CFAP52: variants seen among roughly 807,000 people sequenced by gnomAD.
The protein encoded by CFAP52 is cilia and flagella associated protein 52.
CFAP52 carries 57 observed loss-of-function variants against 70.5 expected under a neutral mutation model. The ratio of observed to expected loss-of-function variants is 0.81; its 90% CI spans 0.65 to 1.01. CFAP52 has a LOEUF of 1.01. Ranked by LOEUF, CFAP52 falls within the 50% of genes least tolerant of loss-of-function variation. The probability of loss-of-function intolerance (pLI) is 0.00; values close to 1 mark genes in which losing one functional copy is unlikely to be tolerated. For synonymous variants in CFAP52, 267 were observed against 292.5 expected (o/e 0.91, Z 0.89); for missense variants, 785 against 788.5 (o/e 1.00, Z 0.05).
intron 1 of CFAP52, among the ~76,000 whole-genome samples, chr17:9,579,207 C>G (rs181233418): frequency 6.6e-6 from 1 of 151,912 alleles, no homozygotes; most frequent in South Asian, 2.1e-4. Context: ...TATACTAGCT[C>G]TAAAAAAAAG....
chr17:9,632,843 T>G, intron 9 of CFAP52, 45 bp from the exon 10 acceptor site: 1 of 1,603,190 alleles, frequency 6.2e-7, no homozygotes, highest in East Asian at 2.2e-5. Context: ...GGAGAGAGGG[T>G]GCATATACTG....
At chr17:9,585,410 T>A (rs1908411149) in intron 1 of CFAP52, among the ~76,000 whole-genome samples, 2 of 152,206 alleles carry the variant, frequency 1.3e-5, no homozygotes, top group Admixed American at 1.3e-4. Context: ...GGCTCACACC[T>A]GTAATCCCAG....
intron 11 of CFAP52, among the ~76,000 whole-genome samples, chr17:9,637,750 T>C (rs2151952969): frequency 6.6e-6 from 1 of 152,344 alleles, no homozygotes; most frequent in South Asian, 2.1e-4. Context: ...AATTTCTGTA[T>C]TTTTAGTAGA....
chr17:9,597,283 T>C (rs1909058817), intron 4 of CFAP52, among the ~76,000 whole-genome samples: 1 of 152,168 alleles, frequency 6.6e-6, no homozygotes, highest in Middle Eastern at 3.2e-3. Flanking sequence ...AGTCCATCCA[T>C]CTTTTGATGC....
intron 8 of CFAP52, among the ~76,000 whole-genome samples, chr17:9,622,693 A>G (rs1221099512): frequency 6.6e-6 from 1 of 152,210 alleles, no homozygotes; most frequent in Non-Finnish European, 1.5e-5. Flanking sequence ...AAAGAATTTT[A>G]ATGGAGTTTG....
chr17:9,609,121 ATGT>A (rs1012096796), intron 7 of CFAP52, among the ~76,000 whole-genome samples: 7 of 152,160 alleles, frequency 4.6e-5, no homozygotes, highest in African/African-American at 1.7e-4. Context: ...AGTTGCACAC[ATGT>A]TGTAGAAATG....
In CFAP52 at chr17:9,587,591, T is replaced by C. The variant is rs767325986; in HGVS notation, c.407+757T>C. Reference sequence around the variant, plus strand: ...CTGATATGAGGTGGTTATCTCATTGTGGTTTTACTTTGCATTTCTCTAATG... The same window carrying C: ...CTGATATGAGGTGGTTATCTCATTGCGGTTTTACTTTGCATTTCTCTAATG... On this transcript the variant is annotated intron_variant, in intron 3 of 13. Transcript: ENST00000352665. Among the ~76,000 whole-genome samples the C allele has an allele frequency of 3.0e-4, 46 of 152,232 alleles. 1 individual carries two copies. The highest frequency in any genetic ancestry group is 1.5e-4 in the Non-Finnish European group (10 of 68,046).
rs201777194 is a variant in CFAP52 at position 9,585,900 on chromosome 17, C to T, written c.198C>T (p.Asn66=). 8 of 1,613,822 alleles carry T rather than the reference C, an allele frequency of 5.0e-6. No homozygotes were observed. The highest frequency in any genetic ancestry group is 1.7e-5 in the Admixed American group (1 of 59,964). ...ACTTCCTACAGGGTCATGGCAACAA[C>T]GTCTCCTGCTTGGCCATCTCCAGGT... is the stretch of plus-strand genomic sequence containing the variant. ...EQNFLQGHGN[N]VSCLAISRSG... is the part of the protein sequence containing the mutation. The change falls in exon 2 of 14, where the codon AAC becomes AAT. Residue 66 remains asparagine (N), a synonymous_variant. Transcript: ENST00000352665.
At chr17:9,621,885 G>A (rs1351333781) in intron 8 of CFAP52, among the ~76,000 whole-genome samples, 3 of 146,888 alleles carry the variant, frequency 2.0e-5, no homozygotes, top group East Asian at 2.0e-4. Context: ...GGATAGCATT[G>A]GGAGATATAC....
intron 9 of CFAP52, among the ~76,000 whole-genome samples, chr17:9,630,381 G>C (rs1386168912): frequency 1.3e-5 from 2 of 149,152 alleles, no homozygotes; most frequent in East Asian, 2.2e-4. Context: ...GATTTACATA[G>C]CTGTGATTAC....
At chr17:9,628,017 A>G (rs1910304341) in intron 8 of CFAP52, among the ~76,000 whole-genome samples, 2 of 152,122 alleles carry the variant, frequency 1.3e-5, no homozygotes, top group African/African-American at 4.8e-5. Flanking sequence ...TACAGGTGTC[A>G]GCCACCATAT....
intron 9 of CFAP52, among the ~76,000 whole-genome samples, chr17:9,632,212 G>A (rs1910573890): frequency 6.6e-6 from 1 of 151,620 alleles, no homozygotes; most frequent in Admixed American, 6.6e-5. Flanking sequence ...CGAGTAGCTA[G>A]GACTAAATGG....
intron 7 of CFAP52, among the ~76,000 whole-genome samples, chr17:9,609,239 G>GA (rs59502035): frequency 2.0e-5 from 3 of 150,970 alleles, no homozygotes; most frequent in African/African-American, 4.9e-5. Context: ...CATAAAAGAT[G>GA]AAAAAAAAAA....
chr17:9,638,809 G>C lies in CFAP52; in HGVS notation c.1575+98G>C, dbSNP rs929717996. 9.7e-6 allele frequency: 11 copies of C among 1,129,302 alleles called. 2 individuals carry two copies. The highest frequency in any genetic ancestry group is 2.0e-5 in the Admixed American group (1 of 50,658). 70.0% of individuals were successfully genotyped at this position (1,129,302 alleles called of 1,614,324 possible). ...GCGGGCTCTGGAGTCAAACCACCTT[G>C]TTTCCAATGGTGGTCTGTCATCAAT... On this transcript the variant is annotated intron_variant, in intron 12 of 13. Coordinates refer to ENST00000352665, the MANE Select transcript of CFAP52 (RefSeq NM_145054.5).
chr17:9,611,786 C>A (rs1023831565), intron 7 of CFAP52, among the ~76,000 whole-genome samples: 1 of 152,172 alleles, frequency 6.6e-6, no homozygotes, highest in African/African-American at 2.4e-5. Flanking sequence ...ACACGTACTA[C>A]ATAATCTTTT....
chr17:9,625,804 T>G (rs985671750), intron 8 of CFAP52, among the ~76,000 whole-genome samples: 5 of 152,192 alleles, frequency 3.3e-5, no homozygotes, highest in African/African-American at 1.2e-4. Flanking sequence ...TTTTTCTAAT[T>G]GTTATTTGTG....
intron 2 of CFAP52, among the ~76,000 whole-genome samples, chr17:9,586,317 A>G (rs1908474027): frequency 6.6e-6 from 1 of 151,978 alleles, no homozygotes. Flanking sequence ...TAATCCCAGC[A>G]CTTTGGGAGG....
intron 12 of CFAP52, among the ~76,000 whole-genome samples, chr17:9,639,629 G>C (rs1910968097): frequency 6.6e-6 from 1 of 152,068 alleles, no homozygotes; most frequent in Admixed American, 6.6e-5. Flanking sequence ...TCCATGAATG[G>C]ACAATGAATA....
chr17:9,594,621 T>A lies in CFAP52; in HGVS notation c.536+300T>A, dbSNP rs182755035. On this transcript the variant is annotated intron_variant, in intron 4 of 13. Coordinates refer to ENST00000352665, the MANE Select transcript of CFAP52 (RefSeq NM_145054.5). ...ATGCTCACAGAAACAATTTGCACAA[T>A]TGCACAGATTCACCTACTGACTGAT... The A allele has an allele frequency of 1.3e-4, 26 of 206,338 alleles. No individual in the cohort carries two copies. The Admixed American group carries it at 1.4e-3, about 11-fold the overall frequency. 12.8% of individuals were successfully genotyped at this position (206,338 alleles called of 1,614,324 possible).
Sources: gnomAD v4.1 joint callset for allele counts (sites outside exome capture counted in the v4.1 genomes callset) on GRCh38, gnomAD v4.1.1 for gene constraint, MANE v1.5 for transcripts, NCBI Gene and HGNC (gene_info 2026-07-23, HGNC 2026-07-21) for gene names.